OSBPL10: variants seen among roughly 807,000 people sequenced by gnomAD.
OSBPL10 encodes the protein oxysterol-binding protein-related protein 10.
Under a neutral mutation model 81.7 loss-of-function variants are expected in OSBPL10, and 49 were observed. The ratio of observed to expected loss-of-function variants is 0.60; its 90% CI spans 0.48 to 0.76. OSBPL10 has a LOEUF of 0.76. Ranked by LOEUF, OSBPL10 falls within the 30% of genes least tolerant of loss-of-function variation. OSBPL10 has a pLI of 0.00. For synonymous variants in OSBPL10, 419 were observed against 383.6 expected, an observed-to-expected ratio of 1.09 and a Z score of -1.08; for missense variants, 923 against 987.8, an observed-to-expected ratio of 0.93 and a Z score of 0.88.
chr3:31,690,339 T>C (rs958390406), intron 7 of OSBPL10, among the ~76,000 whole-genome samples: 4 of 151,962 alleles, frequency 2.6e-5, no homozygotes, highest in Non-Finnish European at 5.9e-5. Context: ...GATTGTAAGT[T>C]TCCTGAGGCC....
At chr3:31,831,193 G>C (rs570729885) in intron 3 of OSBPL10, among the ~76,000 whole-genome samples, 1 of 152,202 alleles carries the variant, frequency 6.6e-6, no homozygotes, top group South Asian at 2.1e-4. Context: ...GATCACCTGA[G>C]GTCAGGAGTT....
At chr3:31,787,222 C>A (rs912099993) in intron 4 of OSBPL10, among the ~76,000 whole-genome samples, 1 of 152,092 alleles carries the variant, frequency 6.6e-6, no homozygotes, top group Non-Finnish European at 1.5e-5. Flanking sequence ...CTTTTAAAGT[C>A]CTAAAAATTA....
chr3:31,685,111 A>C (rs6785222), intron 7 of OSBPL10, among the ~76,000 whole-genome samples: 1 of 151,982 alleles, frequency 6.6e-6, no homozygotes, highest in Non-Finnish European at 1.5e-5. Flanking sequence ...TGGGAAGCCC[A>C]TAACTCATTA....
chr3:31,884,907 A>G (rs763571831), intron 1 of OSBPL10, among the ~76,000 whole-genome samples: 9 of 152,170 alleles, frequency 5.9e-5, no homozygotes, highest in Non-Finnish European at 1.2e-4. Context: ...AACATCAATA[A>G]AAGAGGAAAA....
intron 4 of OSBPL10, among the ~76,000 whole-genome samples, chr3:31,812,818 G>GAAAGAAAGAGAA (rs1223174164): frequency 1.9e-4 from 5 of 25,868 alleles, no homozygotes; most frequent in Admixed American, 5.5e-4. Flanking sequence ...AAGAAAGAAA[G>GAAAGAAAGAGAA]AGAAAGAAAG....
At chr3:31,924,965 C>T (rs1697028464) in intron 1 of OSBPL10, among the ~76,000 whole-genome samples, 1 of 152,148 alleles carries the variant, frequency 6.6e-6, no homozygotes, top group African/African-American at 2.4e-5. Context: ...AGCAAAATCT[C>T]ACTCATTCAC....
At chr3:31,715,554 A>G (rs1414819944) in intron 6 of OSBPL10, among the ~76,000 whole-genome samples, 1 of 152,242 alleles carries the variant, frequency 6.6e-6, no homozygotes, top group Non-Finnish European at 1.5e-5. Flanking sequence ...CAGTGGGAAG[A>G]GATTATTTTG....
intron 8 of OSBPL10, among the ~76,000 whole-genome samples, chr3:31,675,903 G>A (rs1413638615): frequency 2.9e-5 from 4 of 138,792 alleles, no homozygotes; most frequent in Admixed American, 2.3e-4. Flanking sequence ...CCGAGATTGC[G>A]CCACTGCACT....
At chr3:31,971,296 A>G (rs1376911940) in intron 1 of OSBPL10, among the ~76,000 whole-genome samples, 2 of 151,912 alleles carry the variant, frequency 1.3e-5, no homozygotes, top group Non-Finnish European at 2.9e-5. Flanking sequence ...GCATGCCACC[A>G]TGCCCGCTAA....
intron 4 of OSBPL10, 106 bp from the exon 5 acceptor site, chr3:31,748,226 A>T (rs1034605714): frequency 2.8e-5 from 27 of 977,970 alleles, no homozygotes; most frequent in Non-Finnish European, 4.0e-5. Context: ...GTGAGGGTCA[A>T]CTCAGCGTGT....
intron 4 of OSBPL10, among the ~76,000 whole-genome samples, chr3:31,808,291 G>T (rs1699572158): frequency 1.3e-5 from 2 of 152,218 alleles, no homozygotes; most frequent in Non-Finnish European, 1.5e-5. Flanking sequence ...ATCCAGGCCT[G>T]GGGCAAGGCA....
intron 3 of OSBPL10, among the ~76,000 whole-genome samples, chr3:31,846,479 A>T (rs1360152898): frequency 1.3e-5 from 2 of 152,046 alleles, no homozygotes; most frequent in Non-Finnish European, 2.9e-5. Flanking sequence ...CAAAAAAATT[A>T]GCCGGGCCTG....
chr3:31,802,128 G>T (rs1465747156), intron 4 of OSBPL10, among the ~76,000 whole-genome samples: 3 of 149,726 alleles, frequency 2.0e-5, no homozygotes, highest in Non-Finnish European at 4.4e-5. Flanking sequence ...CAGTCCGCCC[G>T]CCTCGGCCTC....
chr3:31,954,619 G>T (rs761865307), intron 1 of OSBPL10, among the ~76,000 whole-genome samples: 1 of 152,106 alleles, frequency 6.6e-6, no homozygotes, highest in Non-Finnish European at 1.5e-5. Context: ...TGCCTGGAGT[G>T]GGGAGGAGCA....
chr3:31,820,771 T>G (rs1352933004), intron 4 of OSBPL10, among the ~76,000 whole-genome samples: 2 of 152,114 alleles, frequency 1.3e-5, no homozygotes, highest in Non-Finnish European at 2.9e-5. Flanking sequence ...CTTTGGGACT[T>G]TAACTCCTAA....
chr3:31,896,218 G>C lies in OSBPL10; in HGVS notation c.282-16388C>G, dbSNP rs572729060. 2.0e-5 allele frequency among the ~76,000 whole-genome samples: 3 copies of C among 152,232 alleles called. No individual in the cohort carries two copies. The East Asian group carries it at 5.8e-4, about 29-fold the overall frequency. ...CATCACACTAAAACCATCACACTTT[G>C]TAGAGGAAAGAGTTATTGCATCACT... On this transcript the variant is annotated intron_variant, in intron 1 of 11. Transcript: ENST00000396556.
intron 1 of OSBPL10, among the ~76,000 whole-genome samples, chr3:32,055,191 CTTTTTTTTTTTTTTTTTTTT>C (rs139735770): frequency 3.4e-5 from 2 of 58,298 alleles, no homozygotes; most frequent in South Asian, 2.0e-3. Flanking sequence ...CTATTTATAG[CTTTTTTTTTTTTTTTTTTTT>C]TTTTTTTTTT....
At chr3:31,769,367 C>T (rs1399012854) in intron 4 of OSBPL10, among the ~76,000 whole-genome samples, 1 of 146,836 alleles carries the variant, frequency 6.8e-6, no homozygotes, top group Non-Finnish European at 1.5e-5. Context: ...ATTGTTTGAA[C>T]CCGGGAGACA....
chr3:31,957,221 A>G (rs1226405791), intron 1 of OSBPL10, among the ~76,000 whole-genome samples: 1 of 152,204 alleles, frequency 6.6e-6, no homozygotes, highest in Non-Finnish European at 1.5e-5. Context: ...TTGTTTTTTT[A>G]ACTATCACAA....
Sources: allele counts gnomAD v4.1 joint callset (sites outside exome capture counted in the v4.1 genomes callset), GRCh38; gene constraint gnomAD v4.1.1; transcripts MANE v1.5; gene names NCBI Gene and HGNC (gene_info 2026-07-23, HGNC 2026-07-21).